USP50: variants seen among roughly 807,000 people sequenced by gnomAD.
USP50 encodes ubiquitin specific peptidase 50.
In USP50, 37 loss-of-function variants were observed where a neutral mutation model predicts 39.2. That is an observed-to-expected ratio of 0.94 (90% CI 0.73 to 1.24). USP50 has a LOEUF of 1.24. Ranked by LOEUF, USP50 falls within the 50% of genes most tolerant of loss-of-function variation. USP50 has a pLI of 0.00. For missense variants in USP50, 374 were observed against 398.2 expected, an observed-to-expected ratio of 0.94 and a Z score of 0.52; for synonymous variants, 139 against 144.5, an observed-to-expected ratio of 0.96 and a Z score of 0.27.
downstream of USP50, chr15:50,498,526 G>C (rs2052499911): frequency 6.8e-7 from 1 of 1,473,464 alleles, no homozygotes; most frequent in South Asian, 1.5e-5. Context: ...TAAAAATCTA[G>C]ATGTTAATGA....
At chr15:50,523,711 A>G (rs549148748) in intron 6 of USP50, among the ~76,000 whole-genome samples, 35 of 152,348 alleles carry the variant, frequency 2.3e-4, no homozygotes, top group African/African-American at 7.9e-4. Context: ...CATACTACGT[A>G]AAACAATCTA....
intron 3 of USP50, among the ~76,000 whole-genome samples, chr15:50,542,790 T>C (rs2141381159): frequency 6.6e-6 from 1 of 152,218 alleles, no homozygotes; most frequent in East Asian, 1.9e-4. Flanking sequence ...CGCCTGGCCA[T>C]GAGTACTTTT....
At chr15:50,496,350 G>GGCA (rs2052403116), downstream of USP50, among the ~76,000 whole-genome samples, 1 of 151,936 alleles carries the variant, frequency 6.6e-6, no homozygotes, top group African/African-American at 2.4e-5. Flanking sequence ...GCGTGGTGGT[G>GGCA]GGCACCTGTA....
intron 4 of USP50, among the ~76,000 whole-genome samples, chr15:50,539,963 CCTTA>C (rs2053015840): frequency 6.6e-6 from 1 of 152,172 alleles, no homozygotes; most frequent in South Asian, 2.1e-4. Context: ...GCCACTAGCA[CCTTA>C]CTTAGAGTGT....
intron 6 of USP50, chr15:50,502,340 C>G (rs1222170180): frequency 6.7e-6 from 1 of 150,338 alleles, no homozygotes; most frequent in African/African-American, 2.5e-5. Context: ...CGATCTCGAC[C>G]TCGGGATCCT....
chr15:50,529,673 C>T, intron 6 of USP50, 124 bp downstream of exon 6: 19 of 1,046,784 alleles, frequency 1.8e-5, no homozygotes, highest in South Asian at 9.1e-5. Context: ...GGAGAGTTTC[C>T]TGGTCTATAT....
chr15:50,497,080 T>C (rs199745319), downstream of USP50: 384 of 1,587,442 alleles, frequency 2.4e-4, no homozygotes, highest in Middle Eastern at 3.5e-4. Flanking sequence ...ACTTGTTTTT[T>C]TCTGCCAGGA....
downstream of USP50, chr15:50,500,202 A>G (rs146662990): frequency 5.2e-4 from 79 of 152,402 alleles, no homozygotes; most frequent in African/African-American, 1.9e-3. Context: ...TTCATGTTTT[A>G]CAATTAGTCT....
At chr15:50,516,383 G>A (rs867215755) in intron 6 of USP50, among the ~76,000 whole-genome samples, 6 of 152,144 alleles carry the variant, frequency 3.9e-5, no homozygotes, top group South Asian at 2.1e-4. Flanking sequence ...GGTGGATCAC[G>A]AGGTCAGGAG....
chr15:50,524,996 T>C (rs2052877246), intron 6 of USP50, among the ~76,000 whole-genome samples: 1 of 152,220 alleles, frequency 6.6e-6, no homozygotes, highest in Admixed American at 6.5e-5. Context: ...CTCATTGCAG[T>C]ATTGTTCACA....
intron 6 of USP50, among the ~76,000 whole-genome samples, chr15:50,525,182 A>C (rs1272020835): frequency 6.6e-6 from 1 of 152,186 alleles, no homozygotes; most frequent in South Asian, 2.1e-4. Flanking sequence ...AGAAAGACAA[A>C]TACTGCACGA....
chr15:50,532,148 G>T (rs919753298), intron 5 of USP50: 3 of 456,138 alleles, frequency 6.6e-6, no homozygotes, highest in Middle Eastern at 3.2e-4. Context: ...GTCACAGGGG[G>T]ACCACACTTT....
chr15:50,493,568 A>C (rs1376350964), downstream of USP50: 1 of 492,004 alleles, frequency 2.0e-6, no homozygotes, highest in Non-Finnish European at 4.0e-6. Context: ...AGTCTGGGCA[A>C]CAAGGCAAAA....
At chr15:50,507,744 G>A (rs1035756280) in intron 6 of USP50, 1 of 152,094 alleles carries the variant, frequency 6.6e-6, no homozygotes, top group Admixed American at 6.6e-5. Context: ...TCTGACTCCT[G>A]AAATAGAAGT....
Position 50,525,699 on chromosome 15 carries a change from A to ATAT in USP50, c.936+4095_936+4097dup, listed in dbSNP as rs2052890530. ...ATATGTATATTATATATGTATATGT[A>ATAT]TATATATGTATATATGTATATGTAT... On this transcript the variant is annotated intron_variant, in intron 6 of 6. Coordinates refer to ENST00000532404, the MANE Select transcript of USP50 (RefSeq NM_203494.5). Among the ~76,000 whole-genome samples, 2 of 99,764 alleles carry ATAT rather than the reference A, an allele frequency of 2.0e-5. 1 individual carries two copies. Among genetic ancestry groups the ATAT allele is most frequent in the Admixed American group, 2.5e-4 (2 of 8,010 alleles). 65.4% of individuals were successfully genotyped at this position (99,764 alleles called of 152,430 possible).
At chr15:50,507,578 T>C (rs1427467113) in intron 6 of USP50, 3 of 152,156 alleles carry the variant, frequency 2.0e-5, no homozygotes, top group Admixed American at 6.5e-5. Context: ...TTGAAACTGC[T>C]ACCTACCTAA....
rs764116340 is a variant in USP50 at position 50,544,581 on chromosome 15, T to A, written c.248+6A>T. On this transcript the variant is annotated splice_donor_region_variant and intron_variant, in intron 2 of 6. Coordinates refer to ENST00000532404, the MANE Select transcript of USP50 (RefSeq NM_203494.5). ...GCTGGGCTGCAGGGAATGCAAATGG[T>A]CTTACTTTTGCAGAGCGGTGATATA... The A allele has an allele frequency of 1.2e-6, 2 of 1,610,822 alleles. No homozygotes were observed. Among genetic ancestry groups the A allele is most frequent in the South Asian group, 2.2e-5 (2 of 90,618 alleles).
chr15:50,522,753 C>T (rs761815432), intron 6 of USP50, among the ~76,000 whole-genome samples: 3 of 152,120 alleles, frequency 2.0e-5, no homozygotes, highest in Admixed American at 6.5e-5. Context: ...TCAAGTGATT[C>T]TCCTGCCTCA....
At chr15:50,510,362 G>A (rs1215335109) in intron 6 of USP50, 2 of 151,964 alleles carry the variant, frequency 1.3e-5, no homozygotes, top group Non-Finnish European at 2.9e-5. Flanking sequence ...AGAAAAGATT[G>A]ATGTTCCAAC....
Sources: gnomAD v4.1 joint callset for allele counts (sites outside exome capture counted in the v4.1 genomes callset) on GRCh38, gnomAD v4.1.1 for gene constraint, MANE v1.5 for transcripts, NCBI Gene and HGNC (gene_info 2026-07-23, HGNC 2026-07-21) for gene names.